Variants in CHAMP1 observed in about 807,000 individuals in gnomAD.
CHAMP1 encodes chromosome alignment-maintaining phosphoprotein 1.
Under a neutral mutation model 54.5 loss-of-function variants are expected in CHAMP1, and 4 were observed. The observed-to-expected ratio is 0.07, with a 90% CI of 0.04 to 0.17. The LOEUF is 0.17. CHAMP1 is among the 10% of genes least tolerant of loss of function. The pLI is 1.00. For synonymous variants in CHAMP1, 368 were observed against 342.2 expected (o/e 1.08, Z -0.83); for missense variants, 994 against 968.6 (o/e 1.03, Z -0.35).
chr13:114,318,857 CTTTTTTTTTT>C (rs56669844), intron 1 of CHAMP1, among the ~76,000 whole-genome samples: 4 of 24,156 alleles, frequency 1.7e-4, no homozygotes, highest in East Asian at 1.5e-3. Context: ...TCCTGGTTGC[CTTTTTTTTTT>C]TTTTTTTTTT....
intron 1 of CHAMP1, among the ~76,000 whole-genome samples, chr13:114,318,851 G>T (rs1222366425): frequency 1.3e-5 from 1 of 76,502 alleles, no homozygotes; most frequent in Non-Finnish European, 2.7e-5. Flanking sequence ...CTGCCATCCT[G>T]GTTGCCTTTT....
At chr13:114,320,968 AGT>A (rs2087161624) in intron 1 of CHAMP1, 140 bp from the exon 2 acceptor site, 1 of 151,718 alleles carries the variant, frequency 6.6e-6, no homozygotes, top group African/African-American at 2.4e-5. Flanking sequence ...AAAAAAAAAA[AGT>A]AAGCAGGCTT....
rs922872358 is a variant in CHAMP1, at chr13:114,327,241, G to T, written c.*960G>T. On this transcript the variant is annotated 3_prime_UTR_variant, in exon 3 of 3. Transcript: ENST00000361283. ...TCAATTATGTTACTGTAAATACCTT[G>T]TACCTGTTCATGGATTATTTTATTC... The T allele has an allele frequency of 6.0e-6, 1 of 165,312 alleles. No individual in the cohort carries two copies. Among genetic ancestry groups the T allele is most frequent in the African/African-American group, 2.4e-5 (1 of 41,382 alleles). The allele number at this position is 165,312 out of a possible 1,614,324, so 10.2% of individuals were successfully genotyped here. A position where few individuals can be genotyped will look rare whatever the true frequency, so the allele number is the denominator to read the frequency against.
intron 1 of CHAMP1, among the ~76,000 whole-genome samples, chr13:114,320,229 T>C (rs2087150552): frequency 1.3e-5 from 2 of 152,176 alleles, no homozygotes; most frequent in South Asian, 4.1e-4. Context: ...ATTCTGTTCC[T>C]GTCAGCAGAC....
At chr13:114,315,063 G>C (rs561080315) in intron 1 of CHAMP1, among the ~76,000 whole-genome samples, 78 of 152,306 alleles carry the variant, frequency 5.1e-4, no homozygotes, top group African/African-American at 1.7e-3. Context: ...TAGAATACAA[G>C]AAGAGATGCA....
intron 2 of CHAMP1, chr13:114,323,097 C>T (rs1393920741): frequency 6.6e-6 from 1 of 152,220 alleles, no homozygotes; most frequent in Non-Finnish European, 1.5e-5. Context: ...ACGGCCTCTA[C>T]ATCACTCTCC....
At position 114,325,671 on chromosome 13, in the gene CHAMP1, A is replaced by G. The variant is rs2087240136; in HGVS notation, c.1829A>G (p.Asp610Gly). 17 of 1,613,856 alleles carry G rather than the reference A, an allele frequency of 1.1e-5. No individual in the cohort carries two copies. The highest frequency in any genetic ancestry group is 1.4e-5 in the Non-Finnish European group (17 of 1,179,984). ...LLASPKKLLE[D>G]TLFPSSKKLK... The stretch of plus-strand genomic sequence containing the variant: ...GCTTCACCTAAGAAACTCTTAGAAG[A>G]TACTTTATTTCCTTCCTCAAAGAAG... The change falls in exon 3 of 3, where the codon GAT becomes GGT. Residue 610 changes from aspartate (D) to glycine (G), a missense_variant. Physicochemically the swap from Asp to Gly is moderately conservative, Grantham distance 94. Coordinates refer to ENST00000361283, the MANE Select transcript of CHAMP1 (RefSeq NM_032436.4).
In CHAMP1 at chr13:114,324,101, T is replaced by C; in HGVS notation, c.259T>C (p.Ser87Pro). Residue 87 changes from serine (S) to proline (P), a missense_variant, in exon 3 of 3, where the codon TCC (serine) becomes CCC (proline). Coordinates refer to ENST00000361283, the MANE Select transcript of CHAMP1 (RefSeq NM_032436.4). ...VYYHITSKHA[S>P]PDKWNDKPKN... is the part of the protein sequence containing the mutation. ...CTATCACATCACATCCAAACATGCATCCCCAGACAAATGGAATGATAAACC... is the reference window on the plus strand; with the variant it reads ...CTATCACATCACATCCAAACATGCACCCCCAGACAAATGGAATGATAAACC... The C allele has an allele frequency of 6.2e-7, 1 of 1,614,144 alleles. No individual in the cohort carries two copies. The highest frequency in any genetic ancestry group is 1.3e-5 in the African/African-American group (1 of 75,034).
In CHAMP1 at chr13:114,323,636, A is replaced by G. The variant is rs921051848; in HGVS notation, c.-55-152A>G. On this transcript the variant is annotated intron_variant, in intron 2 of 2. Transcript: ENST00000361283. ...CTAGCAGAGTGCCTGGGACTGTTCT[A>G]TATCTCCTTTTTCTTCAAATTCTCC... The G allele has an allele frequency of 7.5e-5, 45 of 601,390 alleles. No individual in the cohort carries two copies. The Admixed American group carries it at 1.1e-3, about 15-fold the overall frequency. The allele number at this position is 601,390 out of a possible 1,614,324, so 37.3% of individuals were successfully genotyped here.
intron 1 of CHAMP1, among the ~76,000 whole-genome samples, chr13:114,316,714 T>C (rs1343302946): frequency 2.0e-5 from 3 of 152,008 alleles, no homozygotes; most frequent in African/African-American, 7.2e-5. Flanking sequence ...AGGTGAAGTA[T>C]CCTTCATTCG....
rs2087233322 is a variant in CHAMP1, at chr13:114,325,354, A to G, written c.1512A>G (p.Pro504=). 3 of 1,614,150 alleles carry G rather than the reference A, an allele frequency of 1.9e-6. No homozygotes were observed. The highest frequency in any genetic ancestry group is 1.3e-5 in the African/African-American group (1 of 75,024). Residue 504 remains proline, a synonymous_variant, in exon 3 of 3, where the codon CCA becomes CCG. Coordinates refer to ENST00000361283, the MANE Select transcript of CHAMP1 (RefSeq NM_032436.4). ...CCCGAAAACCAGGTCCTTCTGGGCC[A>G]TCTGAGTCCCCCAAAGCAGCCTCAG... ...PETRKPGPSG[P]SESPKAASDI... is the part of the protein sequence containing the mutation.
rs2087256724 is a variant in CHAMP1, at chr13:114,326,750, A to G, written c.*469A>G. 1.2e-5 allele frequency: 2 copies of G among 167,172 alleles called. No individual in the cohort carries two copies. Among genetic ancestry groups the G allele is most frequent in the African/African-American group, 4.8e-5 (2 of 41,448 alleles). 10.4% of individuals were successfully genotyped at this position (167,172 alleles called of 1,614,324 possible). On this transcript the variant is annotated 3_prime_UTR_variant, in exon 3 of 3. Coordinates refer to ENST00000361283, the MANE Select transcript of CHAMP1 (RefSeq NM_032436.4). The stretch of plus-strand genomic sequence containing the variant: ...ATAAGAGTTATTTTCTATCTGATGT[A>G]AAATTAGTTTATAAATCTTAATCAG...
chr13:114,318,044 G>A (rs2087120090), intron 1 of CHAMP1, among the ~76,000 whole-genome samples: 1 of 152,214 alleles, frequency 6.6e-6, no homozygotes, highest in African/African-American at 2.4e-5. Context: ...AGGACGCCCA[G>A]CTCTCTAGGC....
chr13:114,318,991 G>A (rs577213209), intron 1 of CHAMP1, among the ~76,000 whole-genome samples: 1 of 150,260 alleles, frequency 6.7e-6, no homozygotes, highest in African/African-American at 2.4e-5. Context: ...CAGAATATGG[G>A]ATATAGTTCT....
At chr13:114,323,300 A>G (rs781784607) in intron 2 of CHAMP1, 1 of 152,350 alleles carries the variant, frequency 6.6e-6, no homozygotes, top group African/African-American at 2.4e-5. Flanking sequence ...TCATCTTTTT[A>G]TAGCTAGATT....
chr13:114,315,835 G>GTTTTTT (rs1194478086), intron 1 of CHAMP1, among the ~76,000 whole-genome samples: 2 of 129,956 alleles, frequency 1.5e-5, no homozygotes, highest in Non-Finnish European at 3.3e-5. Flanking sequence ...GGCAAGTTTT[G>GTTTTTT]TTTTTTTTTT....
intron 1 of CHAMP1, among the ~76,000 whole-genome samples, chr13:114,319,466 T>TG (rs1449679732): frequency 1.2e-4 from 18 of 152,266 alleles, no homozygotes; most frequent in African/African-American, 3.6e-4. Context: ...GGCATCCTGT[T>TG]TTTGGTATCA....
At chr13:114,321,646 T>G (rs1339170526) in intron 2 of CHAMP1, among the ~76,000 whole-genome samples, 2 of 152,230 alleles carry the variant, frequency 1.3e-5, no homozygotes, top group Non-Finnish European at 2.9e-5. Context: ...TTGAGACATA[T>G]CCTACGTTTT....
chr13:114,322,257 C>G (rs1594868394), intron 2 of CHAMP1: 1 of 152,106 alleles, frequency 6.6e-6, no homozygotes, highest in East Asian at 1.9e-4. Flanking sequence ...CCATGATGGT[C>G]TTGATCTCCC....
Sources: gnomAD v4.1 joint callset for allele counts (sites outside exome capture counted in the v4.1 genomes callset) on GRCh38, gnomAD v4.1.1 for gene constraint, MANE v1.5 for transcripts, NCBI Gene and HGNC (gene_info 2026-07-23, HGNC 2026-07-21) for gene names.